Variants in CNTN5 observed in about 807,000 individuals in gnomAD.
CNTN5 encodes contactin-5.
CNTN5 carries 77 observed loss-of-function variants against 129.1 expected under a neutral mutation model. That is an observed-to-expected ratio of 0.60 (90% CI 0.50 to 0.72). CNTN5 has a LOEUF of 0.72. Among genes scored for constraint, CNTN5 ranks in the 30% least tolerant of loss-of-function variants. The pLI is 0.00. For synonymous variants in CNTN5, 509 were observed against 465.6 expected, an observed-to-expected ratio of 1.09 and a Z score of -1.20; for missense variants, 1,478 against 1,328.8, an observed-to-expected ratio of 1.11 and a Z score of -1.75.
intron 3 of CNTN5, among the ~76,000 whole-genome samples, chr11:99,794,393 C>T (rs887130326): frequency 6.6e-6 from 1 of 151,904 alleles, no homozygotes; most frequent in East Asian, 1.9e-4. Flanking sequence ...CATTCTGTGC[C>T]TTTTATTGGG....
chr11:99,199,967 A>ACAT (rs147514290), intron 1 of CNTN5, among the ~76,000 whole-genome samples: 30,103 of 151,430 alleles, frequency 0.2, 2,997 homozygotes, highest in Middle Eastern at 0.24. Flanking sequence ...ATATCCATCA[A>ACAT]CATCATCATC....
At chr11:99,622,713 T>A (rs1259164102) in intron 3 of CNTN5, among the ~76,000 whole-genome samples, 1 of 152,090 alleles carries the variant, frequency 6.6e-6, no homozygotes, top group Non-Finnish European at 1.5e-5. Context: ...TGGGAACAGG[T>A]GTTATAGCAT....
chr11:99,573,388 G>A (rs1316717698), intron 3 of CNTN5, among the ~76,000 whole-genome samples: 1 of 151,838 alleles, frequency 6.6e-6, no homozygotes, highest in East Asian at 2.0e-4. Flanking sequence ...GGCTAACACA[G>A]TGAAACCCCG....
chr11:100,308,629 T>G, intron 21 of CNTN5, 161 bp downstream of exon 21: 1 of 1,343,910 alleles, frequency 7.4e-7, no homozygotes, highest in Non-Finnish European at 9.6e-7. Flanking sequence ...GGATGTGTTA[T>G]GTTGCTCATT....
chr11:99,716,604 TC>T (rs1955244061), intron 3 of CNTN5, among the ~76,000 whole-genome samples: 1 of 152,052 alleles, frequency 6.6e-6, no homozygotes, highest in African/African-American at 2.4e-5. Flanking sequence ...ATCAGTGTAT[TC>T]TCTATCTCAA....
At chr11:100,009,289 T>A (rs534373594) in intron 9 of CNTN5, among the ~76,000 whole-genome samples, 13 of 152,154 alleles carry the variant, frequency 8.5e-5, no homozygotes, top group African/African-American at 2.9e-4. Flanking sequence ...GCTCTTAAAA[T>A]AGAATTGCAC....
chr11:99,034,521 TA>T (rs1863599832), intron 1 of CNTN5, among the ~76,000 whole-genome samples: 1 of 151,836 alleles, frequency 6.6e-6, no homozygotes, highest in Admixed American at 6.6e-5. Flanking sequence ...TCGAGGAATT[TA>T]TCCATTTCTT....
intron 2 of CNTN5, among the ~76,000 whole-genome samples, chr11:99,452,264 C>T (rs1017280561): frequency 7.9e-5 from 12 of 151,676 alleles, no homozygotes; most frequent in Admixed American, 5.3e-4. Flanking sequence ...AATAGTGTCT[C>T]GTCAGCACTA....
chr11:99,173,097 T>C (rs545770681), intron 1 of CNTN5, among the ~76,000 whole-genome samples: 2 of 152,276 alleles, frequency 1.3e-5, no homozygotes, highest in Non-Finnish European at 2.9e-5. Flanking sequence ...CTCACTGTCA[T>C]GAGAACAGCA....
chr11:99,850,815 A>G lies in CNTN5; in HGVS notation c.577+5553A>G, dbSNP rs76071568. ...ATCTAACAGAATCTATTTCCCCTGC[A>G]CACCCAACACTTCCTCAAAGAAACA... On this transcript the variant is annotated intron_variant, in intron 6 of 24. Transcript: ENST00000524871. Among the ~76,000 whole-genome samples, 809 of 152,226 alleles carry G rather than the reference A, an allele frequency of 5.3e-3. 6 individuals carry two copies. Among genetic ancestry groups the G allele is most frequent in the African/African-American group, 0.019 (772 of 41,548 alleles).
In CNTN5 at chr11:99,034,501, A is replaced by G. The variant is rs1267916849; in HGVS notation, c.-210+13231A>G. On this transcript the variant is annotated intron_variant, in intron 1 of 24. Transcript: ENST00000524871. ...CTTCTTCCTGGTTTAGTCTTGGGAG[A>G]GTGTATGTGTCGAGGAATTTATCCA... Among the ~76,000 whole-genome samples, 187 of 151,066 alleles carry G rather than the reference A, an allele frequency of 1.2e-3. 1 individual carries two copies. Among genetic ancestry groups the G allele is most frequent in the Non-Finnish European group, 7.8e-4 (53 of 67,820 alleles).
intron 3 of CNTN5, among the ~76,000 whole-genome samples, chr11:99,575,115 T>G (rs2726379): frequency 0.92 from 140,514 of 152,184 alleles, 65,302 homozygotes; most frequent in Non-Finnish European, 0.99. Flanking sequence ...AATAATCTCA[T>G]ATCTTTTATT....
intron 8 of CNTN5, among the ~76,000 whole-genome samples, chr11:99,970,517 G>A (rs1951220057): frequency 6.6e-6 from 1 of 152,070 alleles, no homozygotes; most frequent in Admixed American, 6.6e-5. Flanking sequence ...GATAATATTG[G>A]TACTTATCTG....
At chr11:99,551,841 A>T (rs185470111) in intron 2 of CNTN5, among the ~76,000 whole-genome samples, 197 of 152,330 alleles carry the variant, frequency 1.3e-3, no homozygotes, top group African/African-American at 4.5e-3. Flanking sequence ...ATGCAGTTCA[A>T]CGTTGACTGA....
At chr11:99,098,496 A>AG (rs1458592972) in intron 1 of CNTN5, among the ~76,000 whole-genome samples, 2 of 152,048 alleles carry the variant, frequency 1.3e-5, no homozygotes, top group East Asian at 3.9e-4. Context: ...CCTACACCAC[A>AG]GGGGACAACT....
chr11:99,967,558 C>A (rs1461768039), intron 8 of CNTN5, among the ~76,000 whole-genome samples: 2 of 152,086 alleles, frequency 1.3e-5, no homozygotes, highest in African/African-American at 2.4e-5. Context: ...ACTATTATTG[C>A]ACTAAAAACA....
intron 1 of CNTN5, among the ~76,000 whole-genome samples, chr11:99,155,946 A>C (rs536190016): frequency 6.6e-6 from 1 of 152,260 alleles, no homozygotes; most frequent in Admixed American, 6.5e-5. Context: ...TAATTTACAC[A>C]ATAATTAATA....
intron 17 of CNTN5, 151 bp from the exon 18 acceptor site, chr11:100,270,941 C>G (rs149826664): frequency 5.3e-5 from 30 of 566,814 alleles, no homozygotes; most frequent in African/African-American, 5.1e-4. Flanking sequence ...TTTCATTTTA[C>G]TAATGACACT....
At chr11:99,285,866 C>T (rs1863915870) in intron 1 of CNTN5, among the ~76,000 whole-genome samples, 1 of 151,944 alleles carries the variant, frequency 6.6e-6, no homozygotes, top group Non-Finnish European at 1.5e-5. Context: ...GGTGAAATCT[C>T]GTTTCTACTA....
Sources: gnomAD v4.1 joint callset for allele counts (sites outside exome capture counted in the v4.1 genomes callset) on GRCh38, gnomAD v4.1.1 for gene constraint, MANE v1.5 for transcripts, NCBI Gene and HGNC (gene_info 2026-07-23, HGNC 2026-07-21) for gene names.